The following GSE1 variants were observed in gnomAD, a reference collection of about 807,000 sequenced individuals.
GSE1 encodes the protein genetic suppressor element 1.
A neutral mutation model predicts 112.6 loss-of-function variants in GSE1; 32 were observed. That is an observed-to-expected ratio of 0.28 (90% confidence interval 0.21 to 0.38). The LOEUF is 0.38. Ranked by LOEUF, GSE1 falls within the 10% of genes least tolerant of loss-of-function variation. The probability of loss-of-function intolerance (pLI) is 1.00; values close to 1 mark genes in which losing one functional copy is unlikely to be tolerated. For synonymous variants in GSE1, 1,115 were observed against 735.6 expected (o/e 1.52, Z -8.35); for missense variants, 2,348 against 1,699.2 (o/e 1.38, Z -6.71).
At chr16:85,339,542 G>A (rs534312437) in intron 1 of GSE1, among the ~76,000 whole-genome samples, 3 of 151,388 alleles carry the variant, frequency 2.0e-5, no homozygotes, top group Admixed American at 1.3e-4. Flanking sequence ...AGGGAAGGCG[G>A]CAGTGAAAAG....
rs1329123891 is a variant in GSE1, at chr16:85,655,814, G to A, written c.886G>A (p.Ala296Thr). ...CTCCCTGCCCCCACTGCACCCATCA[G>A]CGATGCACCTGCACCTCTCTGGGGT... is the stretch of plus-strand genomic sequence containing the variant. ...PGSLPPLHPS[A>T]MHLHLSGVRY... The change falls in exon 6 of 16, where the codon GCG becomes ACG. Residue 296 changes from alanine to threonine, a missense_variant. By Grantham distance (58) the Ala-to-Thr change is moderately conservative (BLOSUM62 0). Coordinates refer to ENST00000253458, the MANE Select transcript of GSE1 (RefSeq NM_014615.5). 1 of 1,601,938 alleles carries A rather than the reference G, an allele frequency of 6.2e-7. No homozygotes were observed. The highest frequency in any genetic ancestry group is 1.7e-5 in the Admixed American group (1 of 59,980).
chr16:85,586,141 T>C (rs1041002295), intron 1 of GSE1, among the ~76,000 whole-genome samples: 1 of 152,230 alleles, frequency 6.6e-6, no homozygotes, highest in Non-Finnish European at 1.5e-5. Flanking sequence ...TCTGTCTCTG[T>C]GTCCAGATTT....
At chr16:85,207,377 C>G (rs1195980135) in intron 1 of GSE1, among the ~76,000 whole-genome samples, 3 of 152,230 alleles carry the variant, frequency 2.0e-5, no homozygotes, top group Non-Finnish European at 4.4e-5. Flanking sequence ...CCAGCCATCC[C>G]CATCACTCAA....
intron 1 of GSE1, among the ~76,000 whole-genome samples, chr16:85,315,141 G>C (rs1204626199): frequency 6.6e-6 from 1 of 151,150 alleles, no homozygotes. Context: ...ATCTTCCTCT[G>C]AGAAGTTCTG....
intron 2 of GSE1, among the ~76,000 whole-genome samples, chr16:85,485,890 C>CA (rs2050819756): frequency 6.6e-6 from 1 of 152,220 alleles, no homozygotes; most frequent in African/African-American, 2.4e-5. Flanking sequence ...GTTCTTCCCC[C>CA]AAACACACAC....
intron 2 of GSE1, among the ~76,000 whole-genome samples, chr16:85,519,776 TG>T (rs2052117958): frequency 6.6e-6 from 1 of 152,168 alleles, no homozygotes; most frequent in South Asian, 2.1e-4. Flanking sequence ...TCACCACCGT[TG>T]TCATCACCAC....
intron 1 of GSE1, among the ~76,000 whole-genome samples, chr16:85,353,945 G>A (rs187730480): frequency 1.8e-4 from 27 of 152,342 alleles, no homozygotes; most frequent in African/African-American, 4.3e-4. Context: ...CTGCCTGGTC[G>A]GCTCCGTGTC....
intron 2 of GSE1, among the ~76,000 whole-genome samples, chr16:85,520,309 C>A (rs747075851): frequency 7.2e-5 from 11 of 152,172 alleles, no homozygotes; most frequent in Non-Finnish European, 1.3e-4. Context: ...AACACCATCA[C>A]TTTGGGGGTG....
intron 1 of GSE1, among the ~76,000 whole-genome samples, chr16:85,626,502 GA>G (rs1489608545): frequency 6.6e-6 from 1 of 152,226 alleles, no homozygotes; most frequent in Non-Finnish European, 1.5e-5. Flanking sequence ...CTGCGGTAAT[GA>G]AAAATTACCA....
chr16:85,415,638 G>T (rs1318631488), intron 2 of GSE1, among the ~76,000 whole-genome samples: 1 of 152,254 alleles, frequency 6.6e-6, no homozygotes, highest in Non-Finnish European at 1.5e-5. Flanking sequence ...GATCTGCTCT[G>T]TTTGGAAGAA....
intron 2 of GSE1, among the ~76,000 whole-genome samples, chr16:85,476,615 C>G (rs2050463398): frequency 6.6e-6 from 1 of 150,594 alleles, no homozygotes; most frequent in South Asian, 2.1e-4. Flanking sequence ...GGCTGACCCA[C>G]TGTGATGATG....
intron 11 of GSE1, among the ~76,000 whole-genome samples, chr16:85,664,294 C>G (rs1041751061): frequency 5.9e-5 from 9 of 152,252 alleles, no homozygotes; most frequent in Non-Finnish European, 4.4e-5. Flanking sequence ...CCCTGGCCTC[C>G]TCTCTGGGAG....
chr16:85,572,502 CCACA>C (rs760450519), intron 1 of GSE1, among the ~76,000 whole-genome samples: 17 of 151,092 alleles, frequency 1.1e-4, no homozygotes, highest in Admixed American at 6.6e-5. Flanking sequence ...CAACCACATA[CCACA>C]CACACCACAC....
chr16:85,276,839 C>T (rs1288059896), intron 1 of GSE1, among the ~76,000 whole-genome samples: 6 of 152,180 alleles, frequency 3.9e-5, no homozygotes, highest in Admixed American at 3.9e-4. Flanking sequence ...AGCTTCCCAC[C>T]AGGGCTCTGA....
intron 2 of GSE1, among the ~76,000 whole-genome samples, chr16:85,634,953 G>C (rs1282832692): frequency 7.9e-6 from 1 of 126,676 alleles, no homozygotes. Context: ...GCTGACAGGC[G>C]GGGGGGCTGA....
chr16:85,248,231 C>T (rs182557638), intron 1 of GSE1, among the ~76,000 whole-genome samples: 4 of 152,290 alleles, frequency 2.6e-5, no homozygotes, highest in East Asian at 3.9e-4. Flanking sequence ...CTGCCTACTC[C>T]GCCTCGGCCT....
intron 1 of GSE1, among the ~76,000 whole-genome samples, chr16:85,569,641 G>T (rs890593795): frequency 6.6e-6 from 1 of 152,198 alleles, no homozygotes; most frequent in South Asian, 2.1e-4. Flanking sequence ...AAGCTCCAGC[G>T]CAGGACCTCC....
At chr16:85,198,413 G>T (rs954658981) in intron 1 of GSE1, among the ~76,000 whole-genome samples, 1 of 152,194 alleles carries the variant, frequency 6.6e-6, no homozygotes, top group South Asian at 2.1e-4. Flanking sequence ...TGGACAGGGT[G>T]GGGGTGCCTA....
chr16:85,632,811 C>T (rs1220588912), intron 1 of GSE1, among the ~76,000 whole-genome samples: 3 of 152,314 alleles, frequency 2.0e-5, no homozygotes, highest in African/African-American at 4.8e-5. Flanking sequence ...AGGGAGGAAG[C>T]CGGGACCCTG....
Sources: gnomAD v4.1 joint callset for allele counts (sites outside exome capture counted in the v4.1 genomes callset) on GRCh38, gnomAD v4.1.1 for gene constraint, MANE v1.5 for transcripts, NCBI Gene and HGNC (gene_info 2026-07-23, HGNC 2026-07-21) for gene names.